MEN1: variants seen among roughly 807,000 people sequenced by gnomAD.
MEN1 encodes menin 1.
MEN1 carries 6 observed loss-of-function variants against 58.0 expected under a neutral mutation model. The observed-to-expected ratio is 0.10, with a 90% CI of 0.06 to 0.20. The LOEUF (loss-of-function observed/expected upper bound fraction) is 0.20. Among genes scored for constraint, MEN1 ranks in the 10% least tolerant of loss-of-function variants. The pLI, the probability that MEN1 is intolerant of heterozygous loss-of-function variation, is 1.00. For synonymous variants in MEN1, 346 were observed against 350.7 expected, an observed-to-expected ratio of 0.99 and a Z score of 0.15; for missense variants, 492 against 818.5, an observed-to-expected ratio of 0.60 and a Z score of 4.87.
chr11:64,810,016 GCTC>G lies in MEN1; in HGVS notation c.91_93del (p.Glu31del). On this transcript the variant is annotated inframe_deletion, in exon 2 of 10. Coordinates refer to ENST00000450708, the MANE Select transcript of MEN1 (RefSeq NM_001370259.2). ...ACCAAGGAAAGGAGCACCAGGTCCG[GCTC>G]CTCTCGGCCCAGCTCGGCAGCAAAC... The G allele has an allele frequency of 6.2e-7, 1 of 1,607,016 alleles. No homozygotes were observed. Among genetic ancestry groups the G allele is most frequent in the Non-Finnish European group, 8.5e-7 (1 of 1,176,774 alleles).
chr11:64,804,241 T>C lies in MEN1; in HGVS notation c.*93A>G. The stretch of plus-strand genomic sequence containing the variant: ...AGGGTTTGGGTAGAGGTGAGGCCTG[T>C]CCCCTTTGGGCTGGGGGCAGAACAT... On this transcript the variant is annotated 3_prime_UTR_variant, in exon 10 of 10. Coordinates refer to ENST00000450708, the MANE Select transcript of MEN1 (RefSeq NM_001370259.2). The surrounding 1 kb of genome is among the most constrained non-coding windows in gnomAD (Gnocchi z 4.2). The C allele has an allele frequency of 6.5e-7, 1 of 1,545,092 alleles. No homozygotes were observed. Among genetic ancestry groups the C allele is most frequent in the Non-Finnish European group, 8.9e-7 (1 of 1,120,912 alleles).
At chr11:64,805,339 T>G (rs1941643809) in intron 8 of MEN1, 141 bp from the exon 9 acceptor site, 1 of 1,031,176 alleles carries the variant, frequency 9.7e-7, no homozygotes, top group Non-Finnish European at 1.4e-6. Context: ...TAGAACCTCT[T>G]TCCTTTTATA....
Position 64,807,602 on chromosome 11 carries a change from G to C in MEN1, c.733C>G (p.Pro245Ala), listed in dbSNP as rs1373521153. 1.9e-6 allele frequency: 3 copies of C among 1,614,160 alleles called. No individual in the cohort carries two copies. The highest frequency in any genetic ancestry group is 2.5e-6 in the Non-Finnish European group (3 of 1,180,022). The change falls in exon 4 of 10, where the codon CCT becomes GCT. Residue 245 changes from proline (P) to alanine (A), a missense_variant. This residue lies in a region of MEN1 where 335 missense variants were observed against 550.3 expected (regional missense o/e 0.61). Coordinates refer to ENST00000450708, the MANE Select transcript of MEN1 (RefSeq NM_001370259.2). This position sits in a 1 kb window ranked among gnomAD's most constrained non-coding sequence, Gnocchi z 4.9. ...EVAFMVCAIN[P>A]SIDLHTDSLE... is the part of the protein sequence containing the mutation. ...GAGTCGGTGTGCAGGTCAATGGAAG[G>C]GTTGATGGCACACACCATGAACGCC... is the stretch of plus-strand genomic sequence containing the variant.
At position 64,810,218 on chromosome 11, in the gene MEN1, G is replaced by A. The variant is rs1251360898; in HGVS notation, c.-23-86C>T. 1.2e-5 allele frequency: 10 copies of A among 820,236 alleles called. No individual in the cohort carries two copies. In the East Asian group the frequency reaches 2.1e-4, roughly 18 times the overall value. The allele number at this position is 820,236 out of a possible 1,614,324, so 50.8% of individuals were successfully genotyped here. ...GGTCCGCTAAGGTTCCACCCGCCCC[G>A]ACACACGCACAGCTCCCCTGCTTCC... On this transcript the variant is annotated intron_variant, in intron 1 of 9. Coordinates refer to ENST00000450708, the MANE Select transcript of MEN1 (RefSeq NM_001370259.2).
chr11:64,805,267 G>T, intron 8 of MEN1, 69 bp from the exon 9 acceptor site: 2 of 1,553,372 alleles, frequency 1.3e-6, no homozygotes, highest in Non-Finnish European at 1.8e-6. Flanking sequence ...CACAGGCCAG[G>T]CCCCCCACCT....
rs751481164 is a variant in MEN1, at chr11:64,805,133, G to A, written c.1251C>T (p.Tyr417=). 9 of 1,614,154 alleles carry A rather than the reference G, an allele frequency of 5.6e-6. No individual in the cohort carries two copies. The highest frequency in any genetic ancestry group is 1.7e-4 in the Middle Eastern group (1 of 6,034). The change falls in exon 9 of 10, where the codon TAC becomes TAT. Residue 417 remains tyrosine, a synonymous_variant. Coordinates refer to ENST00000450708, the MANE Select transcript of MEN1 (RefSeq NM_001370259.2). The part of the protein sequence containing the change: ...PECFAHLLRF[Y]DGICKWEEGS... The stretch of plus-strand genomic sequence containing the variant: ...CCTCCTCCCATTTGCAGATGCCGTC[G>A]TAGAATCGCAGCAGGTGGGCGAAGC...
rs878855194 is a variant in MEN1, at chr11:64,808,074, C to T, written c.471G>A (p.Val157=). ...ITGTKLDSSG[V]AFAVVGACQA... ...GGCAGGCCCCAACCACAGCAAAGGC[C>T]ACACCGGAGCTGTCCAATTTGGTGC... Residue 157 remains valine (V), a synonymous_variant, in exon 3 of 10, where the codon GTG becomes GTA. Coordinates refer to ENST00000450708, the MANE Select transcript of MEN1 (RefSeq NM_001370259.2). 35 of 1,613,368 alleles carry T rather than the reference C, an allele frequency of 2.2e-5. No individual in the cohort carries two copies. Among genetic ancestry groups the T allele is most frequent in the Non-Finnish European group, 2.9e-5 (34 of 1,179,760 alleles).
Position 64,803,999 on chromosome 11 carries a change from T to G in MEN1, c.*335A>C. ...AAGCTGGGAGGAGCCCTGAGTAACG[T>G]TGGTCTGGCTCTAGGTGAGCGGTTC... On this transcript the variant is annotated 3_prime_UTR_variant, in exon 10 of 10. Transcript: ENST00000450708. The G allele has an allele frequency of 2.3e-6, 1 of 431,604 alleles. No homozygotes were observed. The highest frequency in any genetic ancestry group is 4.3e-6 in the Non-Finnish European group (1 of 233,150). The allele number at this position is 431,604 out of a possible 1,614,324, so 26.7% of individuals were successfully genotyped here. A position where few individuals can be genotyped will look rare whatever the true frequency, so the allele number is the denominator to read the frequency against.
intron 2 of MEN1, among the ~76,000 whole-genome samples, chr11:64,808,562 A>G (rs1941902511): frequency 6.6e-6 from 1 of 152,242 alleles, no homozygotes; most frequent in African/African-American, 2.4e-5. Flanking sequence ...ATGGCACACC[A>G]GGATGGGATT....
In MEN1 at chr11:64,808,234, T is replaced by C. The variant is rs1941883875; in HGVS notation, c.446-135A>G. On this transcript the variant is annotated intron_variant, in intron 2 of 9. Transcript: ENST00000450708. Reference sequence around the variant, plus strand: ...CCCAACCTCAGATTCTCCTGCCCACTATCCCTCCATCCCTTCCCTCCCACG... The same window carrying C: ...CCCAACCTCAGATTCTCCTGCCCACCATCCCTCCATCCCTTCCCTCCCACG... 10 of 784,532 alleles carry C rather than the reference T, an allele frequency of 1.3e-5. No homozygotes were observed. The East Asian group carries it at 2.7e-4, about 21-fold the overall frequency. The allele number at this position is 784,532 out of a possible 1,614,324, so 48.6% of individuals were successfully genotyped here.
upstream of MEN1, chr11:64,810,725 G>C (rs1170047092): frequency 6.6e-6 from 1 of 152,656 alleles, no homozygotes; most frequent in Non-Finnish European, 1.5e-5. Context: ...CCTCCTTCCC[G>C]AGATACTCAG....
In MEN1 at chr11:64,804,037, T is replaced by G; in HGVS notation, c.*297A>C. On this transcript the variant is annotated 3_prime_UTR_variant, in exon 10 of 10. Transcript: ENST00000450708. This position sits in a 1 kb window ranked among gnomAD's most constrained non-coding sequence, Gnocchi z 4.2. ...AGGTGAGCGGTTCCGAGGAGGAGCTTGGGTTTCTAGGGGCTGGGCCTTTAA... is the reference window on the plus strand; with the variant it reads ...AGGTGAGCGGTTCCGAGGAGGAGCTGGGGTTTCTAGGGGCTGGGCCTTTAA... 2.1e-6 allele frequency: 1 copy of G among 473,498 alleles called. No homozygotes were observed. The highest frequency in any genetic ancestry group is 3.9e-6 in the Non-Finnish European group (1 of 257,748). 29.3% of individuals were successfully genotyped at this position (473,498 alleles called of 1,614,324 possible). A position where few individuals can be genotyped will look rare whatever the true frequency, so the allele number is the denominator to read the frequency against.
chr11:64,807,827 G>C lies in MEN1; in HGVS notation c.654+64C>G, dbSNP rs1941841702. 1.2e-6 allele frequency: 2 copies of C among 1,605,864 alleles called. No individual in the cohort carries two copies. The highest frequency in any genetic ancestry group is 1.7e-6 in the Non-Finnish European group (2 of 1,173,090). Reference sequence around the variant, plus strand: ...AAGGGGTGTGGCCCAAGAAAATGGAGTCCCTTGGGTGGCTTGGGCTACTAC... The same window carrying C: ...AAGGGGTGTGGCCCAAGAAAATGGACTCCCTTGGGTGGCTTGGGCTACTAC... On this transcript the variant is annotated intron_variant, in intron 3 of 9. Transcript: ENST00000450708. The surrounding 1 kb of genome is among the most constrained non-coding windows in gnomAD (Gnocchi z 4.9).
rs1247592651 is a variant in MEN1, at chr11:64,805,793, G to A, written c.1050-23C>T. On this transcript the variant is annotated intron_variant, in intron 7 of 9. Coordinates refer to ENST00000450708, the MANE Select transcript of MEN1 (RefSeq NM_001370259.2). ...TAGCTGTGAGAGCAGTGGGGTCTCT[G>A]TAGGGTCTGAAGGGGTCTCACCATC... 3 of 1,613,986 alleles carry A rather than the reference G, an allele frequency of 1.9e-6. No homozygotes were observed. The Admixed American group carries it at 5.0e-5, about 27-fold the overall frequency.
rs150308912 is a variant in MEN1, at chr11:64,809,900, G to T, written c.210C>A (p.Asp70Glu). 2.5e-6 allele frequency: 4 copies of T among 1,591,828 alleles called. No individual in the cohort carries two copies. In the African/African-American group the frequency reaches 5.4e-5, roughly 21 times the overall value. Reference sequence around the variant, plus strand: ...GAAAGTAGGTGAGGCCGCCAGGCGGGTCGGGGGCGGGGCTGGGCTGGAAGG... The same window carrying T: ...GAAAGTAGGTGAGGCCGCCAGGCGGTTCGGGGGCGGGGCTGGGCTGGAAGG... ...ELTFQPSPAP[D>E]PPGGLTYFPV... Residue 70 changes from aspartate to glutamate, a missense_variant, in exon 2 of 10, where the codon GAC becomes GAA. By Grantham distance (45) the Asp-to-Glu change is conservative. Coordinates refer to ENST00000450708, the MANE Select transcript of MEN1 (RefSeq NM_001370259.2).
chr11:64,807,808 T>C lies in MEN1; in HGVS notation c.654+83A>G, dbSNP rs1555165651. Reference sequence around the variant, plus strand: ...GTGGGTGGTGATGGGAAGAAAGGGGTGTGGCCCAAGAAAATGGAGTCCCTT... The same window carrying C: ...GTGGGTGGTGATGGGAAGAAAGGGGCGTGGCCCAAGAAAATGGAGTCCCTT... On this transcript the variant is annotated intron_variant, in intron 3 of 9. Coordinates refer to ENST00000450708, the MANE Select transcript of MEN1 (RefSeq NM_001370259.2). The surrounding 1 kb of genome is among the most constrained non-coding windows in gnomAD (Gnocchi z 4.9). 6.2e-7 allele frequency: 1 copy of C among 1,605,212 alleles called. No homozygotes were observed. Among genetic ancestry groups the C allele is most frequent in the Non-Finnish European group, 8.5e-7 (1 of 1,172,990 alleles).
Position 64,804,593 on chromosome 11 carries a change from G to A in MEN1, c.1574C>T (p.Thr525Ile), listed in dbSNP as rs750591216. 6.2e-7 allele frequency: 1 copy of A among 1,611,736 alleles called. No homozygotes were observed. The highest frequency in any genetic ancestry group is 8.5e-7 in the Non-Finnish European group (1 of 1,179,814). ...GCTGCCACCTTCAGGGCCTCGGGCT[G>A]TGCCAGCGACAGTCCCAGGAGGCTT... is the stretch of plus-strand genomic sequence containing the variant. ...PRKPPGTVAGTARGPEGGSTA... is the reference protein window; with the variant it reads ...PRKPPGTVAGIARGPEGGSTA... Residue 525 changes from threonine (T) to isoleucine (I), a missense_variant, in exon 10 of 10, where the codon ACA becomes ATA. This residue lies in a region of MEN1 where 79 missense variants were observed against 82.5 expected (regional missense o/e 0.96). Transcript: ENST00000450708. The surrounding 1 kb of genome is among the most constrained non-coding windows in gnomAD (Gnocchi z 4.2).
chr11:64,806,433 C>A, intron 6 of MEN1, 65 bp from the exon 7 acceptor site: 1 of 1,597,706 alleles, frequency 6.3e-7, no homozygotes, highest in South Asian at 1.1e-5. Flanking sequence ...GGCACAAATG[C>A]CCCACCAGGG....
upstream of MEN1, chr11:64,811,071 G>T (rs2136205321): frequency 6.6e-6 from 1 of 152,156 alleles, no homozygotes; most frequent in East Asian, 1.9e-4. Context: ...CCGCCCGCGA[G>T]ATACTCTAAC....
Sources: allele counts gnomAD v4.1 joint callset (sites outside exome capture counted in the v4.1 genomes callset), GRCh38; gene constraint gnomAD v4.1.1; regional missense constraint gnomAD v4.1.1; non-coding constraint Gnocchi (gnomAD v3.1); transcripts MANE v1.5; gene names NCBI Gene and HGNC (gene_info 2026-07-23, HGNC 2026-07-21).